Variants in TLR2 observed in about 807,000 individuals in gnomAD.
The protein encoded by TLR2 is toll like receptor 2.
Under a neutral mutation model 9.1 loss-of-function variants are expected in TLR2, and 7 were observed. That is an observed-to-expected ratio of 0.77 (90% confidence interval 0.44 to 1.44). The LOEUF (loss-of-function observed/expected upper bound fraction) is 1.44, where lower values mean the gene tolerates loss of function less well. Ranked by LOEUF, TLR2 falls within the 40% of genes most tolerant of loss-of-function variation. TLR2 has a pLI of 0.01. For synonymous variants in TLR2, 317 were observed against 344.6 expected (o/e 0.92, Z 0.89); for missense variants, 812 against 904.6 (o/e 0.90, Z 1.31).
Position 153,703,600 on chromosome 4 carries a change from T to TGTTTGGA in TLR2, c.693_694insGTTTGGA (p.Thr232ValfsTer4). On this transcript the variant is annotated frameshift_variant, in exon 3 of 3. Transcript: ENST00000642700. LOFTEE classifies it low-confidence loss of function (END_TRUNC). ...CCGTGGAATGTTTGGAACTGCGAGATACTGATTTGGACACTTTCCATTTTT... is the reference window on the plus strand; with the variant it reads ...CCGTGGAATGTTTGGAACTGCGAGATGTTTGGAACTGATTTGGACACTTTCCATTTTT... 1 of 1,614,138 alleles carries TGTTTGGA rather than the reference T, an allele frequency of 6.2e-7. No homozygotes were observed. Among genetic ancestry groups the TGTTTGGA allele is most frequent in the Non-Finnish European group, 8.5e-7 (1 of 1,180,022 alleles).
intron 1 of TLR2, among the ~76,000 whole-genome samples, chr4:153,684,609 C>A (rs1428721925): frequency 1.3e-5 from 2 of 152,228 alleles, no homozygotes; most frequent in African/African-American, 4.8e-5. Context: ...CGGCTCAGGT[C>A]GGCCCTCGGG....
At chr4:153,706,546 A>C (rs986421865), downstream of TLR2, among the ~76,000 whole-genome samples, 2 of 152,260 alleles carry the variant, frequency 1.3e-5, no homozygotes, top group Admixed American at 6.5e-5. Flanking sequence ...ACAGTAATTT[A>C]AAGGTAGATA....
rs760893620 is a variant in TLR2, at chr4:153,704,627, C to G, written c.1720C>G (p.Gln574Glu). The change falls in exon 3 of 3, where the codon CAG becomes GAG. Residue 574 changes from glutamine (Q) to glutamate (E), a missense_variant. Coordinates refer to ENST00000642700, the MANE Select transcript of TLR2 (RefSeq NM_001318789.2). ...CTCTCCATCCCATGTGCGTGGCCAG[C>G]AGGTTCAGGATGTCCGCCTCTCGGT... is the stretch of plus-strand genomic sequence containing the variant. ...CDSPSHVRGQ[Q>E]VQDVRLSVSE... 1 of 1,613,556 alleles carries G rather than the reference C, an allele frequency of 6.2e-7. No individual in the cohort carries two copies. The highest frequency in any genetic ancestry group is 8.5e-7 in the Non-Finnish European group (1 of 1,179,994).
intron 2 of TLR2, among the ~76,000 whole-genome samples, chr4:153,694,348 T>A (rs1487362792): frequency 2.0e-5 from 3 of 152,162 alleles, no homozygotes; most frequent in African/African-American, 7.2e-5. Context: ...ATCACAAACA[T>A]GTCACAGTGC....
chr4:153,685,460 A>G (rs1735639466), intron 1 of TLR2, among the ~76,000 whole-genome samples: 1 of 152,212 alleles, frequency 6.6e-6, no homozygotes, highest in South Asian at 2.1e-4. Flanking sequence ...GATTTTTACC[A>G]AAGAGCAACT....
rs751937298 is a variant in TLR2, at chr4:153,703,234, TA to T, written c.329del (p.Asn110IlefsTer17). The T allele has an allele frequency of 2.5e-5, 41 of 1,613,912 alleles. No individual in the cohort carries two copies. Among genetic ancestry groups the T allele is most frequent in the Non-Finnish European group, 3.3e-5 (39 of 1,179,972 alleles). On this transcript the variant is annotated frameshift_variant, in exon 3 of 3. Transcript: ENST00000642700. LOFTEE classifies it low-confidence loss of function (END_TRUNC). ...GTCTTGAACATTTAGACTTATCCTA[TA>T]ATTACTTATCTAATTTATCGTCTTC... ...GSLEHLDLSY[N>X]YLSNLSSSWF... is the part of the protein sequence containing the mutation.
chr4:153,695,594 T>C (rs1385079115), intron 2 of TLR2, among the ~76,000 whole-genome samples: 1 of 152,254 alleles, frequency 6.6e-6, no homozygotes, highest in Non-Finnish European at 1.5e-5. Context: ...TTCAAATGGA[T>C]AGTTTGTGAA....
chr4:153,710,188 ATTTG>A (rs1420498730), downstream of TLR2: 29 of 499,498 alleles, frequency 5.8e-5, no homozygotes, highest in African/African-American at 5.6e-4. Context: ...AACATGCTTT[ATTTG>A]TTTATTCCAT....
In TLR2 at chr4:153,704,638, T is replaced by C; in HGVS notation, c.1731T>C (p.Asp577=). ...ATGTGCGTGGCCAGCAGGTTCAGGA[T>C]GTCCGCCTCTCGGTGTCGGAATGTC... ...PSHVRGQQVQ[D]VRLSVSECHR... Residue 577 remains aspartate, a synonymous_variant, in exon 3 of 3, where the codon GAT becomes GAC. Transcript: ENST00000642700. 6.2e-7 allele frequency: 1 copy of C among 1,613,568 alleles called. No homozygotes were observed. The highest frequency in any genetic ancestry group is 1.3e-5 in the African/African-American group (1 of 74,924).
In TLR2 at chr4:153,704,257, T is replaced by C. The variant is rs3804100; in HGVS notation, c.1350T>C (p.Ser450=). Residue 450 remains serine, a synonymous_variant, in exon 3 of 3, where the codon AGT becomes AGC. Transcript: ENST00000642700. ...ACTTATCCAGCACACGAATACACAG[T>C]GTAACAGGCTGCATTCCCAAGACAC... ...YLNLSSTRIH[S]VTGCIPKTLE... The C allele has an allele frequency of 0.081, 130,194 of 1,614,088 alleles. 6,660 individuals are homozygous for C. The highest frequency in any genetic ancestry group is 0.28 in the East Asian group (12,400 of 44,870).
chr4:153,702,763 TGTGTGTGTGTGTGTGTGTG>T, intron 2 of TLR2, 110 bp from the exon 3 acceptor site: 8 of 26,916 alleles, frequency 3.0e-4, no homozygotes, highest in East Asian at 1.3e-3. Flanking sequence ...TCTCTCTCTT[TGTGTGTGTGTGTGTGTGTG>T]TGTGTGTGTG....
chr4:153,692,216 G>A (rs991602275), intron 2 of TLR2, among the ~76,000 whole-genome samples: 8 of 152,152 alleles, frequency 5.3e-5, no homozygotes, highest in African/African-American at 1.4e-4. Context: ...ACTATTAAAG[G>A]CCAATTTTTT....
At chr4:153,698,432 A>T (rs1339889183) in intron 2 of TLR2, among the ~76,000 whole-genome samples, 1 of 152,180 alleles carries the variant, frequency 6.6e-6, no homozygotes. Context: ...TGGAGAAACA[A>T]AACTGATATT....
At chr4:153,701,656 A>T (rs1736898055) in intron 2 of TLR2, 2 of 152,162 alleles carry the variant, frequency 1.3e-5, no homozygotes, top group African/African-American at 4.8e-5. Flanking sequence ...TAATGTATAC[A>T]AATTGTGTTC....
intron 2 of TLR2, among the ~76,000 whole-genome samples, chr4:153,696,840 G>A (rs1299667853): frequency 6.9e-6 from 1 of 144,646 alleles, no homozygotes; most frequent in Non-Finnish European, 1.5e-5. Flanking sequence ...ACCAGCTGGG[G>A]CAATGTAGCA....
Position 153,703,057 on chromosome 4 carries a change from C to T in TLR2, c.150C>T (p.Leu50=). The part of the protein sequence containing the change: ...SGSLNSIPSG[L]TEAVKSLDLS... ...CTTTAAACTCCATTCCCTCAGGGCTCACAGAAGCTGTAAAAAGCCTTGACC... is the reference window on the plus strand; with the variant it reads ...CTTTAAACTCCATTCCCTCAGGGCTTACAGAAGCTGTAAAAAGCCTTGACC... Residue 50 remains leucine (L), a synonymous_variant, in exon 3 of 3, where the codon CTC becomes CTT. Coordinates refer to ENST00000642700, the MANE Select transcript of TLR2 (RefSeq NM_001318789.2). The T allele has an allele frequency of 6.2e-7, 1 of 1,613,992 alleles. No homozygotes were observed. The highest frequency in any genetic ancestry group is 8.5e-7 in the Non-Finnish European group (1 of 1,179,992).
rs374310145 is a variant in TLR2, at chr4:153,704,989, A to C, written c.2082A>C (p.Glu694Asp). The C allele has an allele frequency of 5.0e-6, 8 of 1,613,352 alleles. No individual in the cohort carries two copies. The highest frequency in any genetic ancestry group is 5.9e-6 in the Non-Finnish European group (7 of 1,180,036). Residue 694 changes from glutamate to aspartate, a missense_variant, in exon 3 of 3, where the codon GAA becomes GAC. By Grantham distance (45) the Glu-to-Asp change is conservative. Coordinates refer to ENST00000642700, the MANE Select transcript of TLR2 (RefSeq NM_001318789.2). ...TTGACAATATCATTGACTCCATTGAAAAGAGCCACAAAACTGTCTTTGTGC... is the reference window on the plus strand; with the variant it reads ...TTGACAATATCATTGACTCCATTGACAAGAGCCACAAAACTGTCTTTGTGC... Reference protein sequence around the residue: ...WIIDNIIDSIEKSHKTVFVLS... With the variant: ...WIIDNIIDSIDKSHKTVFVLS...
chr4:153,705,227 T>G lies in TLR2; in HGVS notation c.2320T>G (p.Phe774Val). ...WPMDEAQREGFWVNLRAAIKS is the reference protein window; with the variant it reads ...WPMDEAQREGVWVNLRAAIKS The stretch of plus-strand genomic sequence containing the variant: ...CATGGACGAGGCTCAGCGGGAAGGA[T>G]TTTGGGTAAATCTGAGAGCTGCGAT... The change falls in exon 3 of 3, where the codon TTT (phenylalanine) becomes GTT (valine). Residue 774 changes from phenylalanine (F) to valine (V), a missense_variant. Phe to Val is a conservative substitution (Grantham distance 50, BLOSUM62 -1). Coordinates refer to ENST00000642700, the MANE Select transcript of TLR2 (RefSeq NM_001318789.2). 6.3e-7 allele frequency: 1 copy of G among 1,598,704 alleles called. No individual in the cohort carries two copies. Among genetic ancestry groups the G allele is most frequent in the Non-Finnish European group, 8.5e-7 (1 of 1,171,046 alleles).
chr4:153,696,488 C>A (rs1010096419), intron 2 of TLR2, among the ~76,000 whole-genome samples: 1 of 152,012 alleles, frequency 6.6e-6, no homozygotes, highest in African/African-American at 2.4e-5. Flanking sequence ...ATCTTGATTT[C>A]TTTTTCAGAT....
Sources: gnomAD v4.1 joint callset for allele counts (sites outside exome capture counted in the v4.1 genomes callset) on GRCh38, gnomAD v4.1.1 for gene constraint, MANE v1.5 for transcripts, NCBI Gene and HGNC (gene_info 2026-07-23, HGNC 2026-07-21) for gene names.